The following CASKIN1 variants were observed in gnomAD, a reference collection of about 807,000 sequenced individuals.
The protein encoded by CASKIN1 is caskin-1.
Under a neutral mutation model 117.5 loss-of-function variants are expected in CASKIN1, and 42 were observed. That is an observed-to-expected ratio of 0.36 (90% CI 0.28 to 0.46). CASKIN1 has a LOEUF of 0.46. CASKIN1 is among the 20% of genes least tolerant of loss of function. The probability of loss-of-function intolerance (pLI) is 1.00; values close to 1 mark genes in which losing one functional copy is unlikely to be tolerated. For missense variants in CASKIN1, 2,083 were observed against 2,077.3 expected, an observed-to-expected ratio of 1.00 and a Z score of -0.05; for synonymous variants, 1,148 against 961.7, an observed-to-expected ratio of 1.19 and a Z score of -3.59.
intron 3 of CASKIN1, 95 bp from the exon 4 acceptor site, chr16:2,189,659 C>G (rs2093195366): frequency 7.7e-7 from 1 of 1,302,022 alleles, no homozygotes; most frequent in Non-Finnish European, 1.0e-6. Flanking sequence ...GACCCCAAGT[C>G]CAACCCTGGG....
intron 16 of CASKIN1, 82 bp downstream of exon 16, chr16:2,183,564 T>C (rs889495): frequency 0.6 from 828,648 of 1,375,404 alleles, 255,090 homozygotes; most frequent in African/African-American, 0.92. Flanking sequence ...CGGGTGGGAG[T>C]TGTGGCCAGG....
chr16:2,192,567 A>G (rs1411222158), intron 1 of CASKIN1, among the ~76,000 whole-genome samples: 3 of 152,022 alleles, frequency 2.0e-5, no homozygotes, highest in Admixed American at 1.3e-4. Context: ...GCCTTTCCAC[A>G]TGCCCTGTGT....
At chr16:2,183,352 G>C (rs2093173852) in intron 16 of CASKIN1, among the ~76,000 whole-genome samples, 1 of 152,176 alleles carries the variant, frequency 6.6e-6, no homozygotes, top group East Asian at 1.9e-4. Flanking sequence ...GGGGGTCCCT[G>C]TGGGGCAGCC....
chr16:2,192,316 G>A (rs925860974), intron 1 of CASKIN1, among the ~76,000 whole-genome samples: 34 of 151,128 alleles, frequency 2.2e-4, no homozygotes, highest in Non-Finnish European at 3.0e-4. Flanking sequence ...AAAAAAAAAA[G>A]GAGAGAGAAC....
At chr16:2,193,119 G>C (rs901209407) in intron 1 of CASKIN1, among the ~76,000 whole-genome samples, 1 of 152,156 alleles carries the variant, frequency 6.6e-6, no homozygotes, top group African/African-American at 2.4e-5. Flanking sequence ...CCGGGTTCAA[G>C]CAATTCTTCT....
intron 10 of CASKIN1, among the ~76,000 whole-genome samples, chr16:2,186,167 C>A (rs2093183855): frequency 6.6e-6 from 1 of 152,158 alleles, no homozygotes; most frequent in Non-Finnish European, 1.5e-5. Flanking sequence ...TGGAATCTCA[C>A]TATGTTGCCC....
In CASKIN1 at chr16:2,180,922, G is replaced by A. The variant is rs754466880; in HGVS notation, c.2446C>T (p.Arg816Cys). Residue 816 changes from arginine to cysteine, a missense_variant, in exon 18 of 20, where the codon CGC becomes TGC. Physicochemically the swap from Arg to Cys is radical, Grantham distance 180. This residue lies in a region of CASKIN1 where 1,818 missense variants were observed against 1,688.9 expected (regional missense o/e 1.08). Coordinates refer to ENST00000343516, the MANE Select transcript of CASKIN1 (RefSeq NM_020764.4). Reference sequence around the variant, plus strand: ...GGCAGGGAGCGGGGTGACATGGGGCGCTCTGTCGGCGGCAGCAGCTGCGGG... The same window carrying A: ...GGCAGGGAGCGGGGTGACATGGGGCACTCTGTCGGCGGCAGCAGCTGCGGG... Reference protein sequence around the residue: ...PTPQLLPPTERPMSPRSLPQS... With the variant: ...PTPQLLPPTECPMSPRSLPQS... The A allele has an allele frequency of 9.4e-5, 137 of 1,457,322 alleles. No homozygotes were observed. Among genetic ancestry groups the A allele is most frequent in the Non-Finnish European group, 1.2e-4 (136 of 1,110,828 alleles). 90.3% of individuals were successfully genotyped at this position (1,457,322 alleles called of 1,614,324 possible). A position where few individuals can be genotyped will look rare whatever the true frequency, so the allele number is the denominator to read the frequency against.
chr16:2,181,851 T>C lies in CASKIN1; in HGVS notation c.1708A>G (p.Ile570Val). ...KVLVDNGYEN[I>V]DFITDITWED... Reference sequence around the variant, plus strand: ...CAGGTGATGTCGGTGATGAAATCAATGTTCTCGTAGCCATTGTCCACCAAC... The same window carrying C: ...CAGGTGATGTCGGTGATGAAATCAACGTTCTCGTAGCCATTGTCCACCAAC... Residue 570 changes from isoleucine to valine, a missense_variant, in exon 17 of 20, where the codon ATT becomes GTT. Physicochemically the swap from Ile to Val is conservative, Grantham distance 29. Transcript: ENST00000343516. 1.2e-6 allele frequency: 2 copies of C among 1,613,768 alleles called. No individual in the cohort carries two copies. Among genetic ancestry groups the C allele is most frequent in the Non-Finnish European group, 1.7e-6 (2 of 1,179,986 alleles).
chr16:2,185,457 A>T (rs978130937), intron 10 of CASKIN1, 49 bp from the exon 11 acceptor site: 9 of 1,484,746 alleles, frequency 6.1e-6, no homozygotes, highest in Non-Finnish European at 6.4e-6. Context: ...GATGGCGGGT[A>T]CTGACGCAGG....
Position 2,178,482 on chromosome 16 carries a change from C to A in CASKIN1, c.*68G>T. The A allele has an allele frequency of 7.8e-7, 1 of 1,287,704 alleles. No homozygotes were observed. The highest frequency in any genetic ancestry group is 1.0e-6 in the Non-Finnish European group (1 of 961,744). 79.8% of individuals were successfully genotyped at this position (1,287,704 alleles called of 1,614,324 possible). On this transcript the variant is annotated 3_prime_UTR_variant, in exon 20 of 20. Transcript: ENST00000343516. ...CGCTCGCGCCGCGCCCAGACGCGCC[C>A]ATCCTGAGGTATAGGTCAGTGTGCG...
chr16:2,195,915 C>G (rs1161847350), intron 1 of CASKIN1, among the ~76,000 whole-genome samples: 1 of 152,126 alleles, frequency 6.6e-6, no homozygotes, highest in African/African-American at 2.4e-5. Context: ...ACTGTCACCT[C>G]CCGGGTCGCC....
chr16:2,194,462 G>C (rs1457880252), intron 1 of CASKIN1, among the ~76,000 whole-genome samples: 1 of 152,140 alleles, frequency 6.6e-6, no homozygotes, highest in Non-Finnish European at 1.5e-5. Flanking sequence ...GAAGGGACTG[G>C]GCAACCAGAG....
intron 3 of CASKIN1, 37 bp from the exon 4 acceptor site, chr16:2,189,601 C>G (rs768833812): frequency 4.3e-4 from 673 of 1,560,306 alleles, no homozygotes; most frequent in Non-Finnish European, 5.3e-4. Context: ...TGACCCTTGA[C>G]CCCAAACCCA....
In CASKIN1 at chr16:2,180,960, T is replaced by G. The variant is rs2093165774; in HGVS notation, c.2408A>C (p.Lys803Thr). Residue 803 changes from lysine to threonine, a missense_variant, in exon 18 of 20, where the codon AAG (lysine) becomes ACG (threonine). Physicochemically the swap from Lys to Thr is moderately conservative, Grantham distance 78. This residue lies in a region of CASKIN1 where 1,818 missense variants were observed against 1,688.9 expected (regional missense o/e 1.08). Transcript: ENST00000343516. ...CAGCAGCTGCGGGGTGGGCTTCACC[T>G]TGGCCGTAGCTGGGGCTGGACCATG... is the stretch of plus-strand genomic sequence containing the variant. ...GPHGPAPATA[K>T]VKPTPQLLPP... is the part of the protein sequence containing the mutation. 4 of 1,467,374 alleles carry G rather than the reference T, an allele frequency of 2.7e-6. No homozygotes were observed. Among genetic ancestry groups the G allele is most frequent in the African/African-American group, 1.5e-5 (1 of 67,624 alleles). 90.9% of individuals were successfully genotyped at this position (1,467,374 alleles called of 1,614,324 possible).
rs1483326050 is a variant in CASKIN1, at chr16:2,177,674, C to T, written c.*876G>A. 2 of 241,376 alleles carry T rather than the reference C, an allele frequency of 8.3e-6. No individual in the cohort carries two copies. Among genetic ancestry groups the T allele is most frequent in the Non-Finnish European group, 1.6e-5 (2 of 122,706 alleles). 15.0% of individuals were successfully genotyped at this position (241,376 alleles called of 1,614,324 possible). ...CTCAGAGGAGCTGCAAGCCCGTGGCCTGGCCTGCTACATGCCCTGCTTCCA... is the reference window on the plus strand; with the variant it reads ...CTCAGAGGAGCTGCAAGCCCGTGGCTTGGCCTGCTACATGCCCTGCTTCCA... On this transcript the variant is annotated 3_prime_UTR_variant, in exon 20 of 20. Coordinates refer to ENST00000343516, the MANE Select transcript of CASKIN1 (RefSeq NM_020764.4).
At chr16:2,189,205 G>GCCCCA (rs760332748) in intron 5 of CASKIN1, 33 bp downstream of exon 5, 1 of 1,612,788 alleles carries the variant, frequency 6.2e-7, no homozygotes, top group South Asian at 1.1e-5. Flanking sequence ...GGGCTCCCCA[G>GCCCCA]CCCCACCCCA....
Position 2,183,682 on chromosome 16 carries a change from G to A in CASKIN1, c.1593C>T (p.Gly531=), listed in dbSNP as rs2093174884. The A allele has an allele frequency of 3.7e-6, 6 of 1,613,346 alleles. No individual in the cohort carries two copies. Among genetic ancestry groups the A allele is most frequent in the Non-Finnish European group, 5.1e-6 (6 of 1,179,970 alleles). ...CAGGCAGCCAGTCAGGGATGCTTAG[G>A]CCGCTGATCTCTGCCGCGATCTTCT... The part of the protein sequence containing the change: ...HRKKIAAEIS[G]LSIPDWLPEH... Residue 531 remains glycine (G), a synonymous_variant, in exon 16 of 20, where the codon GGC becomes GGT. Transcript: ENST00000343516.
Position 2,180,933 on chromosome 16 carries a change from G to A in CASKIN1, c.2435C>T (p.Pro812Leu), listed in dbSNP as rs763188254. The A allele has an allele frequency of 1.3e-5, 19 of 1,461,270 alleles. No individual in the cohort carries two copies. The highest frequency in any genetic ancestry group is 3.0e-5 in the African/African-American group (2 of 67,376). The allele number at this position is 1,461,270 out of a possible 1,614,324, so 90.5% of individuals were successfully genotyped here. ...GGGTGACATGGGGCGCTCTGTCGGC[G>A]GCAGCAGCTGCGGGGTGGGCTTCAC... The part of the protein sequence containing the change: ...AKVKPTPQLL[P>L]PTERPMSPRS... The change falls in exon 18 of 20, where the codon CCG becomes CTG. Residue 812 changes from proline (P) to leucine (L), a missense_variant. This residue lies in a region of CASKIN1 where 1,818 missense variants were observed against 1,688.9 expected (regional missense o/e 1.08). Coordinates refer to ENST00000343516, the MANE Select transcript of CASKIN1 (RefSeq NM_020764.4).
In CASKIN1 at chr16:2,189,566, T is replaced by TG. The variant is rs1231104036; in HGVS notation, c.245-3dup. 4.4e-6 allele frequency: 7 copies of TG among 1,597,976 alleles called. No homozygotes were observed. The highest frequency in any genetic ancestry group is 2.2e-5 in the South Asian group (2 of 89,696). On this transcript the variant is annotated splice_polypyrimidine_tract_variant and splice_region_variant and intron_variant, in intron 3 of 19. Transcript: ENST00000343516. Reference sequence around the variant, plus strand: ...CCGCATAGTGCAGCGGCCGCATGCCTGGGGGGCGAGGGGATGCTGGGAGCT... The same window carrying TG: ...CCGCATAGTGCAGCGGCCGCATGCCTGGGGGGGCGAGGGGATGCTGGGAGCT...
Sources: allele counts gnomAD v4.1 joint callset (sites outside exome capture counted in the v4.1 genomes callset), GRCh38; gene constraint gnomAD v4.1.1; regional missense constraint gnomAD v4.1.1; transcripts MANE v1.5; gene names NCBI Gene and HGNC (gene_info 2026-07-23, HGNC 2026-07-21).